SNUPN: variants seen among roughly 807,000 people sequenced by gnomAD.
SNUPN encodes snurportin 1.
In SNUPN, 31 loss-of-function variants were observed where a neutral mutation model predicts 39.2. That is an observed-to-expected ratio of 0.79 (90% CI 0.59 to 1.07). SNUPN has a LOEUF of 1.07. Ranked by LOEUF, SNUPN falls within the 50% of genes least tolerant of loss-of-function variation. The probability of loss-of-function intolerance (pLI) is 0.00; values close to 1 mark genes in which losing one functional copy is unlikely to be tolerated. For synonymous variants in SNUPN, 132 were observed against 159.0 expected (o/e 0.83, Z 1.28); for missense variants, 382 against 434.2 (o/e 0.88, Z 1.07).
chr15:75,604,638 G>A (rs1051041877), intron 7 of SNUPN, among the ~76,000 whole-genome samples: 8 of 152,172 alleles, frequency 5.3e-5, no homozygotes, highest in African/African-American at 1.9e-4. Flanking sequence ...TAACAACCCT[G>A]TAAATTAGAT....
intron 2 of SNUPN, 86 bp from the exon 3 acceptor site, chr15:75,617,638 A>C: frequency 6.9e-7 from 1 of 1,443,480 alleles, no homozygotes; most frequent in Non-Finnish European, 9.3e-7. Flanking sequence ...CCAGGCTGGA[A>C]TGGTGCAATC....
At chr15:75,611,125 G>A (rs942165047) in intron 3 of SNUPN, among the ~76,000 whole-genome samples, 3 of 149,798 alleles carry the variant, frequency 2.0e-5, no homozygotes, top group Admixed American at 6.7e-5. Flanking sequence ...CCAAGATCAC[G>A]CCACTGCACT....
At chr15:75,619,233 G>A (rs1395798590) in intron 2 of SNUPN, among the ~76,000 whole-genome samples, 6 of 151,398 alleles carry the variant, frequency 4.0e-5, no homozygotes, top group Admixed American at 3.3e-4. Context: ...TTGAGGGGCT[G>A]AGGTTGCAGT....
intron 3 of SNUPN, among the ~76,000 whole-genome samples, chr15:75,614,451 G>C (rs1335392932): frequency 6.6e-6 from 1 of 152,160 alleles, no homozygotes; most frequent in Non-Finnish European, 1.5e-5. Flanking sequence ...ATAAAAAGGA[G>C]TGAAGTACTG....
chr15:75,604,293 T>A (rs893923172), intron 7 of SNUPN, among the ~76,000 whole-genome samples: 1 of 151,836 alleles, frequency 6.6e-6, no homozygotes, highest in African/African-American at 2.4e-5. Flanking sequence ...CCCAAGTAGC[T>A]GGGATTACAG....
chr15:75,621,110 T>A, intron 1 of SNUPN, 54 bp from the exon 2 acceptor site: 1 of 1,556,242 alleles, frequency 6.4e-7, no homozygotes, highest in African/African-American at 1.4e-5. Context: ...ATCTCCTGTA[T>A]ACAGACAGTT....
At chr15:75,612,434 T>C (rs1342367305) in intron 3 of SNUPN, among the ~76,000 whole-genome samples, 1 of 152,156 alleles carries the variant, frequency 6.6e-6, no homozygotes, top group African/African-American at 2.4e-5. Flanking sequence ...CACCATGACA[T>C]AGCACTACTC....
intron 1 of SNUPN, among the ~76,000 whole-genome samples, 184 bp from the exon 2 acceptor site, chr15:75,621,240 A>G (rs1893061414): frequency 6.7e-6 from 1 of 150,204 alleles, no homozygotes; most frequent in Non-Finnish European, 1.5e-5. Flanking sequence ...TAGCAATAAC[A>G]TTATTTTCCT....
chr15:75,602,343 T>C (rs551808955), intron 7 of SNUPN, among the ~76,000 whole-genome samples: 45 of 152,134 alleles, frequency 3.0e-4, no homozygotes, highest in African/African-American at 9.6e-4. Context: ...CTGACCAATA[T>C]GGCGAAACCC....
At chr15:75,608,623 C>T (rs756004848) in intron 5 of SNUPN, among the ~76,000 whole-genome samples, 22 of 152,346 alleles carry the variant, frequency 1.4e-4, no homozygotes, top group Middle Eastern at 3.4e-3. Flanking sequence ...CCAGCATCAG[C>T]TGGCTGTACC....
chr15:75,619,839 C>T (rs890720867), intron 2 of SNUPN, among the ~76,000 whole-genome samples: 4 of 152,096 alleles, frequency 2.6e-5, no homozygotes, highest in African/African-American at 9.7e-5. Context: ...ACCTCCACCT[C>T]CCGGGTTCAA....
At chr15:75,603,533 C>T (rs1047028561) in intron 7 of SNUPN, among the ~76,000 whole-genome samples, 1 of 151,110 alleles carries the variant, frequency 6.6e-6, no homozygotes, top group Non-Finnish European at 1.5e-5. Flanking sequence ...TGGTGGTGGG[C>T]GCCTATAGTC....
intron 3 of SNUPN, among the ~76,000 whole-genome samples, chr15:75,611,373 C>G (rs1892774950): frequency 6.6e-6 from 1 of 150,454 alleles, no homozygotes; most frequent in African/African-American, 2.4e-5. Flanking sequence ...CTGCCTCAGC[C>G]TCCCGAGTAG....
At chr15:75,603,192 C>T (rs1475208273) in intron 7 of SNUPN, among the ~76,000 whole-genome samples, 3 of 151,598 alleles carry the variant, frequency 2.0e-5, no homozygotes, top group Admixed American at 6.6e-5. Flanking sequence ...GGACTATAGG[C>T]GCCCACCACC....
intron 3 of SNUPN, among the ~76,000 whole-genome samples, chr15:75,613,435 G>A (rs1892847283): frequency 1.3e-5 from 2 of 151,140 alleles, no homozygotes; most frequent in Non-Finnish European, 3.0e-5. Context: ...ACAAAATCAG[G>A]AGTTCGAGAC....
At chr15:75,608,440 G>C (rs1892686335) in intron 5 of SNUPN, among the ~76,000 whole-genome samples, 1 of 152,170 alleles carries the variant, frequency 6.6e-6, no homozygotes, top group African/African-American at 2.4e-5. Context: ...CACCAAAGGA[G>C]CCTGAGCAGG....
chr15:75,606,740 C>T (rs905645797), intron 6 of SNUPN, among the ~76,000 whole-genome samples: 1 of 152,084 alleles, frequency 6.6e-6, no homozygotes, highest in Non-Finnish European at 1.5e-5. Context: ...TGGGTCATAC[C>T]AAGGAGGCCC....
At position 75,617,478 on chromosome 15, in the gene SNUPN, TC is replaced by T. The variant is rs775643574; in HGVS notation, c.232del (p.Glu78LysfsTer25). 1 of 1,614,156 alleles carries T rather than the reference TC, an allele frequency of 6.2e-7. No homozygotes were observed. Among genetic ancestry groups the T allele is most frequent in the South Asian group, 1.1e-5 (1 of 91,086 alleles). ...DDWTGMESEEENKKDDEEMDI... is the reference protein window; with the variant it reads ...DDWTGMESEEXNKKDDEEMDI... Reference sequence around the variant, plus strand: ...CATTTCTTCATCATCTTTCTTATTTTCTTCCTCACTCTCCATCCCTGTCCAG... The same window carrying T: ...CATTTCTTCATCATCTTTCTTATTTTTTCCTCACTCTCCATCCCTGTCCAG... On this transcript the variant is annotated frameshift_variant, in exon 3 of 9. Transcript: ENST00000308588. LOFTEE classifies it high-confidence loss of function.
At chr15:75,618,067 C>T (rs942091089) in intron 2 of SNUPN, among the ~76,000 whole-genome samples, 2 of 152,168 alleles carry the variant, frequency 1.3e-5, no homozygotes, top group Non-Finnish European at 2.9e-5. Flanking sequence ...TCTGAATACA[C>T]TCAGCCTTCC....
Sources: allele counts gnomAD v4.1 joint callset (sites outside exome capture counted in the v4.1 genomes callset), GRCh38; gene constraint gnomAD v4.1.1; transcripts MANE v1.5; gene names NCBI Gene and HGNC (gene_info 2026-07-23, HGNC 2026-07-21).